GNA14: variants seen among roughly 807,000 people sequenced by gnomAD.
GNA14 encodes guanine nucleotide-binding protein subunit alpha-14.
GNA14 carries 50 observed loss-of-function variants against 42.0 expected under a neutral mutation model. The ratio of observed to expected loss-of-function variants is 1.19; its 90% CI spans 0.95 to 1.51. GNA14 has a LOEUF of 1.51. Ranked by LOEUF, GNA14 falls within the 40% of genes most tolerant of loss-of-function variation. The probability of loss-of-function intolerance (pLI) is 0.00; values close to 1 mark genes in which losing one functional copy is unlikely to be tolerated. For missense variants in GNA14, 473 were observed against 446.2 expected (o/e 1.06, Z -0.54); for synonymous variants, 173 against 163.1 (o/e 1.06, Z -0.46).
At chr9:77,485,192 A>G (rs999572107) in intron 2 of GNA14, among the ~76,000 whole-genome samples, 3 of 152,232 alleles carry the variant, frequency 2.0e-5, no homozygotes, top group African/African-American at 4.8e-5. Context: ...CTAAACTTAT[A>G]TAATACTCTA....
At chr9:77,561,336 C>T (rs993237291) in intron 1 of GNA14, among the ~76,000 whole-genome samples, 3 of 152,090 alleles carry the variant, frequency 2.0e-5, no homozygotes, top group Admixed American at 2.0e-4. Context: ...ATGAACAAAT[C>T]CATCTTTAGA....
At chr9:77,531,055 C>G (rs1373779546) in intron 1 of GNA14, among the ~76,000 whole-genome samples, 2 of 152,182 alleles carry the variant, frequency 1.3e-5, no homozygotes, top group Non-Finnish European at 2.9e-5. Context: ...CTGCTTTAGG[C>G]CCTCAAAGTG....
At chr9:77,600,244 T>C (rs1220044341) in intron 1 of GNA14, among the ~76,000 whole-genome samples, 2 of 152,214 alleles carry the variant, frequency 1.3e-5, no homozygotes, top group Non-Finnish European at 2.9e-5. Flanking sequence ...ACACCCCTTT[T>C]CTTCCGTGCA....
intron 1 of GNA14, among the ~76,000 whole-genome samples, chr9:77,611,793 T>C (rs573606816): frequency 6.6e-6 from 1 of 152,272 alleles, no homozygotes; most frequent in South Asian, 2.1e-4. Context: ...CATACCCTGA[T>C]GCTGAAGTTA....
intron 1 of GNA14, among the ~76,000 whole-genome samples, chr9:77,616,939 G>C (rs1823830598): frequency 6.6e-6 from 1 of 151,998 alleles, no homozygotes; most frequent in Admixed American, 6.6e-5. Flanking sequence ...GCACGATCTT[G>C]GCTCACTGCA....
At chr9:77,585,603 C>G (rs1823290379) in intron 1 of GNA14, among the ~76,000 whole-genome samples, 1 of 152,212 alleles carries the variant, frequency 6.6e-6, no homozygotes, top group African/African-American at 2.4e-5. Context: ...TGGCTCTCAT[C>G]TCTGAATGTG....
At chr9:77,569,580 T>G (rs372948648) in intron 1 of GNA14, among the ~76,000 whole-genome samples, 1 of 151,818 alleles carries the variant, frequency 6.6e-6, no homozygotes, top group South Asian at 2.1e-4. Flanking sequence ...GTATAGTGAG[T>G]TCCACCAACA....
chr9:77,510,865 C>T (rs1837154569), intron 2 of GNA14, among the ~76,000 whole-genome samples: 1 of 152,050 alleles, frequency 6.6e-6, no homozygotes, highest in African/African-American at 2.4e-5. Context: ...ACGCTGGTTG[C>T]CTGGAGACAT....
intron 1 of GNA14, among the ~76,000 whole-genome samples, chr9:77,591,941 G>T (rs1823397311): frequency 1.4e-5 from 2 of 145,216 alleles, no homozygotes; most frequent in Admixed American, 1.4e-4. Flanking sequence ...TTGAGATGGA[G>T]TCTCGCTCTG....
intron 2 of GNA14, among the ~76,000 whole-genome samples, chr9:77,494,465 A>T (rs1587798541): frequency 6.6e-6 from 1 of 151,230 alleles, no homozygotes; most frequent in South Asian, 2.1e-4. Context: ...GAAAAAAAAA[A>T]TTGGGAAACA....
At chr9:77,426,906 C>T (rs972034101) in intron 5 of GNA14, among the ~76,000 whole-genome samples, 15 of 152,168 alleles carry the variant, frequency 9.9e-5, no homozygotes, top group East Asian at 1.9e-4. Context: ...AAGAGGGACA[C>T]GCCATAAATC....
At chr9:77,434,596 C>T in intron 2 of GNA14, 74 bp from the exon 3 acceptor site, 1 of 1,336,116 alleles carries the variant, frequency 7.5e-7, no homozygotes, top group Non-Finnish European at 1.1e-6. Context: ...CGGTACAAGT[C>T]TTGCCCTGGT....
chr9:77,553,216 C>CG lies in GNA14; in HGVS notation c.125-23964dup, dbSNP rs1837807544. Among the ~76,000 whole-genome samples, 5 of 152,132 alleles carry CG rather than the reference C, an allele frequency of 3.3e-5. No homozygotes were observed. The South Asian group carries it at 1.0e-3, about 32-fold the overall frequency. On this transcript the variant is annotated intron_variant, in intron 1 of 6. Transcript: ENST00000341700. ...CCCCAGCCCAGTTCTTGGATATACC[C>CG]GGGCTCCTTCCTTAGTACCTCTCCC...
At chr9:77,456,117 C>T (rs1389480724) in intron 2 of GNA14, among the ~76,000 whole-genome samples, 2 of 152,098 alleles carry the variant, frequency 1.3e-5, no homozygotes, top group Non-Finnish European at 2.9e-5. Context: ...TCTTTACAAC[C>T]ACTCCAGGAA....
rs558486912 is a variant in GNA14, at chr9:77,428,817, G to A, written c.723+90C>T. ...TAGCAAGACTGTTTGACCTAATGAC[G>A]AGGGTCTATTTCCTGACCCGGCTGC... On this transcript the variant is annotated intron_variant, in intron 5 of 6. Coordinates refer to ENST00000341700, the MANE Select transcript of GNA14 (RefSeq NM_004297.4). 2.3e-5 allele frequency: 29 copies of A among 1,284,036 alleles called. No homozygotes were observed. The Admixed American group carries it at 2.7e-4, about 12-fold the overall frequency. 79.5% of individuals were successfully genotyped at this position (1,284,036 alleles called of 1,614,324 possible).
chr9:77,591,057 G>T (rs999569458), intron 1 of GNA14, among the ~76,000 whole-genome samples: 2 of 152,188 alleles, frequency 1.3e-5, no homozygotes, highest in East Asian at 1.9e-4. Context: ...CTCATTTTTA[G>T]TGATAGACAG....
At chr9:77,619,708 G>A (rs1201658343) in intron 1 of GNA14, among the ~76,000 whole-genome samples, 8 of 152,108 alleles carry the variant, frequency 5.3e-5, no homozygotes, top group African/African-American at 1.9e-4. Flanking sequence ...AAAACCCTCA[G>A]AATGGTGTCT....
At chr9:77,462,828 C>T (rs369559198) in intron 2 of GNA14, among the ~76,000 whole-genome samples, 97 of 152,222 alleles carry the variant, frequency 6.4e-4, no homozygotes, top group African/African-American at 2.0e-3. Context: ...CTCACCTTTT[C>T]GGGTTCAGGG....
chr9:77,460,388 C>G (rs928099624), intron 2 of GNA14, among the ~76,000 whole-genome samples: 2 of 152,218 alleles, frequency 1.3e-5, no homozygotes, highest in South Asian at 4.1e-4. Flanking sequence ...AAAAGATTCT[C>G]CCTTGGAGGC....
Sources: allele counts gnomAD v4.1 joint callset (sites outside exome capture counted in the v4.1 genomes callset), GRCh38; gene constraint gnomAD v4.1.1; transcripts MANE v1.5; gene names NCBI Gene and HGNC (gene_info 2026-07-23, HGNC 2026-07-21).